Variants in CACNA2D4 observed in about 807,000 individuals in gnomAD.
CACNA2D4 encodes calcium voltage-gated channel auxiliary subunit alpha2delta 4.
CACNA2D4 carries 157 observed loss-of-function variants against 163.8 expected under a neutral mutation model. The ratio of observed to expected loss-of-function variants is 0.96; its 90% CI spans 0.84 to 1.09. The LOEUF is 1.09. CACNA2D4 is among the 50% of genes least tolerant of loss of function. The probability of loss-of-function intolerance (pLI) is 0.00; values close to 1 mark genes in which losing one functional copy is unlikely to be tolerated. For missense variants in CACNA2D4, 1,410 were observed against 1,479.9 expected (o/e 0.95, Z 0.78); for synonymous variants, 598 against 586.9 (o/e 1.02, Z -0.27).
intron 35 of CACNA2D4, among the ~76,000 whole-genome samples, chr12:1,796,534 G>A (rs1029472969): frequency 6.6e-6 from 1 of 152,232 alleles, no homozygotes; most frequent in Non-Finnish European, 1.5e-5. Context: ...CTTCACTCCG[G>A]AGCCCGCTGG....
chr12:1,828,218 G>A lies in CACNA2D4; in HGVS notation c.2551+12521C>T. Reference sequence around the variant, plus strand: ...CCTGCAGTGGAGGCAAGTCTCCTGTGAGTACACCCCTGGCCTCGGAGGGGG... The same window carrying A: ...CCTGCAGTGGAGGCAAGTCTCCTGTAAGTACACCCCTGGCCTCGGAGGGGG... On this transcript the variant is annotated intron_variant, in intron 26 of 37. Coordinates refer to ENST00000382722, the MANE Select transcript of CACNA2D4 (RefSeq NM_172364.5). This position sits in a 1 kb window ranked among gnomAD's most constrained non-coding sequence, Gnocchi z 4.2. The A allele has an allele frequency of 1.9e-6, 3 of 1,543,778 alleles. No homozygotes were observed. The highest frequency in any genetic ancestry group is 2.6e-6 in the Non-Finnish European group (3 of 1,144,090).
At chr12:1,853,632 G>C (rs1865336997) in intron 23 of CACNA2D4, among the ~76,000 whole-genome samples, 1 of 152,274 alleles carries the variant, frequency 6.6e-6, no homozygotes, top group East Asian at 1.9e-4. Flanking sequence ...ATTTCTAAGG[G>C]GCTGGGAAAA....
rs1865919761 is a variant in CACNA2D4 at position 1,878,195 on chromosome 12, A to T, written c.1719+120T>A. 3.1e-5 allele frequency: 35 copies of T among 1,111,274 alleles called. No homozygotes were observed. The highest frequency in any genetic ancestry group is 2.9e-4 in the Admixed American group (14 of 47,790). The allele number at this position is 1,111,274 out of a possible 1,614,324, so 68.8% of individuals were successfully genotyped here. ...ATGACTCGAATACATTTTTTTTCTC[A>T]TATTACCCACTGGGTTCCTAAATGG... On this transcript the variant is annotated intron_variant, in intron 16 of 37. Transcript: ENST00000382722. The surrounding 1 kb of genome is among the most constrained non-coding windows in gnomAD (Gnocchi z 4.6).
intron 32 of CACNA2D4, 132 bp from the exon 33 acceptor site, chr12:1,800,184 C>A: frequency 9.6e-7 from 1 of 1,039,690 alleles, no homozygotes; most frequent in Non-Finnish European, 1.4e-6. Context: ...TGCTTGAGGG[C>A]TCTGGTTGAG....
At position 1,869,385 on chromosome 12, in the gene CACNA2D4, C is replaced by T. The variant is rs370594217; in HGVS notation, c.1878+5219G>A. Among the ~76,000 whole-genome samples the T allele has an allele frequency of 4.6e-5, 7 of 152,348 alleles. No homozygotes were observed. The highest frequency in any genetic ancestry group is 1.9e-4 in the East Asian group (1 of 5,194). Reference sequence around the variant, plus strand: ...GGCCGAAGCCAGATTCAAAGCCACCCGCTGCTGCTGGCTCTCCTCCTTCAG... The same window carrying T: ...GGCCGAAGCCAGATTCAAAGCCACCTGCTGCTGCTGGCTCTCCTCCTTCAG... On this transcript the variant is annotated intron_variant, in intron 18 of 37. Transcript: ENST00000382722. The surrounding 1 kb of genome is among the most constrained non-coding windows in gnomAD (Gnocchi z 4.7).
rs563325706 is a variant in CACNA2D4, at chr12:1,834,331, G to T, written c.2551+6408C>A. 1 of 1,611,844 alleles carries T rather than the reference G, an allele frequency of 6.2e-7. No individual in the cohort carries two copies. The highest frequency in any genetic ancestry group is 1.3e-5 in the African/African-American group (1 of 75,020). ...AGCTGAGGGGGAAGGACATGCGGAT[G>T]GTCCCCATGGAGATGTTCAACTACT... On this transcript the variant is annotated intron_variant, in intron 26 of 37. Coordinates refer to ENST00000382722, the MANE Select transcript of CACNA2D4 (RefSeq NM_172364.5). The surrounding 1 kb of genome is among the most constrained non-coding windows in gnomAD (Gnocchi z 7.6).
At chr12:1,854,510 A>G (rs1865359184) in intron 22 of CACNA2D4, among the ~76,000 whole-genome samples, 1 of 152,092 alleles carries the variant, frequency 6.6e-6, no homozygotes, top group Non-Finnish European at 1.5e-5. Context: ...GGTTTAAGCA[A>G]TTCTCCTGCC....
chr12:1,856,691 C>T (rs969702656), intron 20 of CACNA2D4, among the ~76,000 whole-genome samples: 6 of 152,240 alleles, frequency 3.9e-5, no homozygotes, highest in African/African-American at 1.4e-4. Context: ...GCTTCATTGG[C>T]TTCATCCCCA....
In CACNA2D4 at chr12:1,828,300, G is replaced by C; in HGVS notation, c.2551+12439C>G. The C allele has an allele frequency of 2.5e-6, 3 of 1,211,314 alleles. No homozygotes were observed. Among genetic ancestry groups the C allele is most frequent in the Admixed American group, 5.2e-5 (2 of 38,504 alleles). The allele number at this position is 1,211,314 out of a possible 1,614,324, so 75.0% of individuals were successfully genotyped here. A position where few individuals can be genotyped will look rare whatever the true frequency, so the allele number is the denominator to read the frequency against. On this transcript the variant is annotated intron_variant, in intron 26 of 37. Transcript: ENST00000382722. This position sits in a 1 kb window ranked among gnomAD's most constrained non-coding sequence, Gnocchi z 4.2. The stretch of plus-strand genomic sequence containing the variant: ...GTAGGTAGCGCCATATGGGACCTTA[G>C]CCACACTCAGGCTGCAGGGAGGCCT...
intron 29 of CACNA2D4, among the ~76,000 whole-genome samples, chr12:1,809,949 A>C (rs987517865): frequency 6.6e-6 from 1 of 152,208 alleles, no homozygotes; most frequent in African/African-American, 2.4e-5. Flanking sequence ...GCCCCGAGTG[A>C]GGCTGGGCCA....
At chr12:1,801,509 C>G in intron 30 of CACNA2D4, 65 bp downstream of exon 30, 1 of 1,294,428 alleles carries the variant, frequency 7.7e-7, no homozygotes. Context: ...TCCGCCAGGA[C>G]CACTTAGCGT....
rs2154447669 is a variant in CACNA2D4 at position 1,840,810 on chromosome 12, C to T, written c.2480G>A (p.Gly827Asp). ...LRWAEGPESA[G>D]EPMVVTASTA... is the part of the protein sequence containing the mutation. Reference sequence around the variant, plus strand: ...GCTTGCCGTCACCACCATGGGTTCACCCGCACTTTCTGGGGAAACAGAGAC... The same window carrying T: ...GCTTGCCGTCACCACCATGGGTTCATCCGCACTTTCTGGGGAAACAGAGAC... Residue 827 changes from glycine (G) to aspartate (D), a missense_variant, in exon 26 of 38, where the codon GGT becomes GAT. Physicochemically the swap from Gly to Asp is moderately conservative, Grantham distance 94 (BLOSUM62 -1). Coordinates refer to ENST00000382722, the MANE Select transcript of CACNA2D4 (RefSeq NM_172364.5). 3 of 1,610,556 alleles carry T rather than the reference C, an allele frequency of 1.9e-6. No homozygotes were observed. The highest frequency in any genetic ancestry group is 8.5e-7 in the Non-Finnish European group (1 of 1,179,404).
chr12:1,909,765 C>T lies in CACNA2D4; in HGVS notation c.486+141G>A, dbSNP rs987269345. ...TTCCGATCCAGAGGCTAGCACATTG[C>T]TGTGCCTGTGAGGGGTGAGCAGTAA... On this transcript the variant is annotated intron_variant, in intron 4 of 37. Transcript: ENST00000382722. The T allele has an allele frequency of 8.7e-6, 6 of 687,414 alleles. No homozygotes were observed. In the Admixed American group the frequency reaches 9.3e-5, roughly 11 times the overall value. 42.6% of individuals were successfully genotyped at this position (687,414 alleles called of 1,614,324 possible).
chr12:1,903,571 C>G (rs185228811), intron 6 of CACNA2D4, among the ~76,000 whole-genome samples: 1 of 151,712 alleles, frequency 6.6e-6, no homozygotes, highest in South Asian at 2.1e-4. Flanking sequence ...TCTGAATGTA[C>G]GTGTCTCAAA....
rs1203258834 is a variant in CACNA2D4, at chr12:1,833,611, T to TG, written c.2551+7127dup. ...TACAGGGCTGTGGTTGGGGCACCGA[T>TG]GGGGCCATTGGATTGCTCCTAAGGA... On this transcript the variant is annotated intron_variant, in intron 26 of 37. Coordinates refer to ENST00000382722, the MANE Select transcript of CACNA2D4 (RefSeq NM_172364.5). The surrounding 1 kb of genome is among the most constrained non-coding windows in gnomAD (Gnocchi z 4.2). 6.6e-6 allele frequency among the ~76,000 whole-genome samples: 1 copy of TG among 152,166 alleles called. No homozygotes were observed. The highest frequency in any genetic ancestry group is 2.4e-5 in the African/African-American group (1 of 41,424).
chr12:1,869,685 A>T lies in CACNA2D4; in HGVS notation c.1878+4919T>A, dbSNP rs750155758. On this transcript the variant is annotated intron_variant, in intron 18 of 37. Coordinates refer to ENST00000382722, the MANE Select transcript of CACNA2D4 (RefSeq NM_172364.5). The surrounding 1 kb of genome is among the most constrained non-coding windows in gnomAD (Gnocchi z 4.7). ...CAGACACCAGCTTTCCATAGATTTC[A>T]TAAACAGCTCCCACAGTTTCATAAG... Among the ~76,000 whole-genome samples, 1 of 152,192 alleles carries T rather than the reference A, an allele frequency of 6.6e-6. No individual in the cohort carries two copies. Among genetic ancestry groups the T allele is most frequent in the Non-Finnish European group, 1.5e-5 (1 of 68,022 alleles).
intron 35 of CACNA2D4, among the ~76,000 whole-genome samples, chr12:1,796,209 G>A (rs1481610175): frequency 2.0e-5 from 3 of 152,194 alleles, no homozygotes; most frequent in African/African-American, 7.2e-5. Context: ...CAGTGGCCCC[G>A]CGCTCGGCGA....
Position 1,802,023 on chromosome 12 carries a change from G to T in CACNA2D4, c.2722-379C>A, listed in dbSNP as rs562614530. Among the ~76,000 whole-genome samples, 7 of 71,754 alleles carry T rather than the reference G, an allele frequency of 9.8e-5. No homozygotes were observed. The highest frequency in any genetic ancestry group is 1.7e-4 in the Admixed American group (1 of 6,006). The allele number at this position is 71,754 out of a possible 152,430, so 47.1% of individuals were successfully genotyped here. On this transcript the variant is annotated intron_variant, in intron 29 of 37. Transcript: ENST00000382722. This position sits in a 1 kb window ranked among gnomAD's most constrained non-coding sequence, Gnocchi z 4.7. ...TGGATTTGTTTTATATGCTGTGTGTGTGTGTGTGTGTGTGTGTGTGTGTGT... is the reference window on the plus strand; with the variant it reads ...TGGATTTGTTTTATATGCTGTGTGTTTGTGTGTGTGTGTGTGTGTGTGTGT...
Position 1,843,745 on chromosome 12 carries a change from G to A in CACNA2D4, c.2470+657C>T, listed in dbSNP as rs1412291460. On this transcript the variant is annotated intron_variant, in intron 25 of 37. Transcript: ENST00000382722. The surrounding 1 kb of genome is among the most constrained non-coding windows in gnomAD (Gnocchi z 4.6). Reference sequence around the variant, plus strand: ...TTATTTTGGTTATTTTCCAGAATGGGGGCTGGGGCTGGCTGGCAGTTGGGT... The same window carrying A: ...TTATTTTGGTTATTTTCCAGAATGGAGGCTGGGGCTGGCTGGCAGTTGGGT... Among the ~76,000 whole-genome samples, 1 of 152,208 alleles carries A rather than the reference G, an allele frequency of 6.6e-6. No individual in the cohort carries two copies. The highest frequency in any genetic ancestry group is 1.5e-5 in the Non-Finnish European group (1 of 68,036).
Sources: gnomAD v4.1 joint callset for allele counts (sites outside exome capture counted in the v4.1 genomes callset) on GRCh38, gnomAD v4.1.1 for gene constraint, Gnocchi (gnomAD v3.1) non-coding constraint, MANE v1.5 for transcripts, NCBI Gene and HGNC (gene_info 2026-07-23, HGNC 2026-07-21) for gene names.